The following SPOCK2 variants were observed in gnomAD, a reference collection of about 807,000 sequenced individuals.
SPOCK2 encodes SPARC (osteonectin), cwcv and kazal like domains proteoglycan 2, also known as testican-2.
In SPOCK2, 39 loss-of-function variants were observed where a neutral mutation model predicts 60.1. That is an observed-to-expected ratio of 0.65 (90% CI 0.50 to 0.85). The LOEUF (loss-of-function observed/expected upper bound fraction) is 0.85, where lower values mean the gene tolerates loss of function less well. SPOCK2 is among the 40% of genes least tolerant of loss of function. The probability of loss-of-function intolerance (pLI) is 0.00; values close to 1 mark genes in which losing one functional copy is unlikely to be tolerated. For synonymous variants in SPOCK2, 217 were observed against 231.5 expected, an observed-to-expected ratio of 0.94 and a Z score of 0.57; for missense variants, 523 against 567.4, an observed-to-expected ratio of 0.92 and a Z score of 0.80.
chr10:72,069,468 C>CT lies in SPOCK2; in HGVS notation c.474+843dup, dbSNP rs869082110. On this transcript the variant is annotated intron_variant, in intron 5 of 10. Transcript: ENST00000373109. ...TATCAGCACCTGCATTTCTATGTTA[C>CT]TTTTTTTTTTTTTTTTTTGGAGACA... Among the ~76,000 whole-genome samples, 1,092 of 138,586 alleles carry CT rather than the reference C, an allele frequency of 7.9e-3. 13 individuals carry two copies. Among genetic ancestry groups the CT allele is most frequent in the East Asian group, 0.048 (228 of 4,750 alleles). 90.9% of individuals were successfully genotyped at this position (138,586 alleles called of 152,430 possible). A position where few individuals can be genotyped will look rare whatever the true frequency, so the allele number is the denominator to read the frequency against.
chr10:72,079,395 T>G (rs1372024152), intron 1 of SPOCK2, among the ~76,000 whole-genome samples: 1 of 152,128 alleles, frequency 6.6e-6, no homozygotes, highest in Non-Finnish European at 1.5e-5. Context: ...GGAAGACACC[T>G]GGGGGCCCCC....
At position 72,059,313 on chromosome 10, in the gene SPOCK2, T is replaced by C. The variant is rs1404977599; in HGVS notation, c.*3447A>G. On this transcript the variant is annotated 3_prime_UTR_variant, in exon 11 of 11. Transcript: ENST00000373109. ...TTTTTTAAAAGACATCTAAAATTACTGAGAGATACAATTTCAGCAGTTAAA... is the reference window on the plus strand; with the variant it reads ...TTTTTTAAAAGACATCTAAAATTACCGAGAGATACAATTTCAGCAGTTAAA... 1 of 152,568 alleles carries C rather than the reference T, an allele frequency of 6.6e-6. No individual in the cohort carries two copies. 9.5% of individuals were successfully genotyped at this position (152,568 alleles called of 1,614,324 possible).
At chr10:72,074,443 T>C (rs1840688758) in intron 1 of SPOCK2, among the ~76,000 whole-genome samples, 1 of 152,172 alleles carries the variant, frequency 6.6e-6, no homozygotes, top group Non-Finnish European at 1.5e-5. Context: ...CAGGTCTGTA[T>C]TATGTAGCAT....
At chr10:72,072,589 G>C (rs754322322) in intron 2 of SPOCK2, 41 bp from the exon 3 acceptor site, 4 of 1,613,032 alleles carry the variant, frequency 2.5e-6, no homozygotes, top group Non-Finnish European at 3.4e-6. Flanking sequence ...GAAAGGCTAA[G>C]ATCCATATCC....
Position 72,062,950 on chromosome 10 carries a change from C to T in SPOCK2, c.1130-45G>A, listed in dbSNP as rs555953410. The T allele has an allele frequency of 2.2e-5, 35 of 1,588,234 alleles. No individual in the cohort carries two copies. Among genetic ancestry groups the T allele is most frequent in the Admixed American group, 1.4e-4 (8 of 57,254 alleles). ...ACAGGGGGTGAGGGAGCTTCTGGCA[C>T]GCACCCCCCAGCATCCCACGACAAG... On this transcript the variant is annotated intron_variant, in intron 10 of 10. Transcript: ENST00000373109. The surrounding 1 kb of genome is among the most constrained non-coding windows in gnomAD (Gnocchi z 4.3).
intron 1 of SPOCK2, among the ~76,000 whole-genome samples, chr10:72,077,909 C>T (rs747806928): frequency 6.6e-5 from 10 of 152,198 alleles, no homozygotes; most frequent in East Asian, 1.9e-4. Context: ...AAAACTGCAG[C>T]GCCTCCTGAG....
rs185621916 is a variant in SPOCK2, at chr10:72,067,837, C to A, written c.590-105G>T. 697 of 1,497,356 alleles carry A rather than the reference C, an allele frequency of 4.7e-4. 4 individuals are homozygous for A. The Middle Eastern group carries it at 7.4e-3, about 16-fold the overall frequency. 92.8% of individuals were successfully genotyped at this position (1,497,356 alleles called of 1,614,324 possible). On this transcript the variant is annotated intron_variant, in intron 6 of 10. Transcript: ENST00000373109. ...CAGGCCAGGAGGCTGGGCAGGGGTC[C>A]GGGAGGCAGCAGCAGAAGGGAAGGT...
chr10:72,081,602 A>G (rs531477887), intron 1 of SPOCK2, among the ~76,000 whole-genome samples: 1 of 152,368 alleles, frequency 6.6e-6, no homozygotes, highest in African/African-American at 2.4e-5. Flanking sequence ...CACCCTCTCC[A>G]CAGGATAAAG....
intron 8 of SPOCK2, among the ~76,000 whole-genome samples, chr10:72,064,844 C>A (rs934019217): frequency 1.3e-5 from 2 of 151,654 alleles, no homozygotes; most frequent in African/African-American, 4.9e-5. Flanking sequence ...CATTCTCCTG[C>A]CTCAGCCTCC....
chr10:72,077,455 C>T (rs1840727951), intron 1 of SPOCK2, among the ~76,000 whole-genome samples: 1 of 152,144 alleles, frequency 6.6e-6, no homozygotes, highest in African/African-American at 2.4e-5. Context: ...AACCTTCCAG[C>T]ACGCACATGC....
chr10:72,066,341 CCTT>C (rs1840567024), intron 8 of SPOCK2, among the ~76,000 whole-genome samples: 1 of 150,838 alleles, frequency 6.6e-6, no homozygotes, highest in Non-Finnish European at 1.5e-5. Context: ...TTCTTTCTTT[CCTT>C]CTTTTTTTTT....
rs1462462787 is a variant in SPOCK2, at chr10:72,086,977, G to T, written c.189+1163C>A. ...GGTGTGGCCTGCGTTGTACTGGGTG[G>T]GTCGGACGAGGGAACCTGGGGAAGG... On this transcript the variant is annotated intron_variant, in intron 1 of 10. Transcript: ENST00000373109. 3.2e-6 allele frequency: 5 copies of T among 1,551,606 alleles called. No homozygotes were observed. In the South Asian group the frequency reaches 3.6e-5, roughly 11 times the overall value.
rs998740637 is a variant in SPOCK2 at position 72,060,893 on chromosome 10, G to C, written c.*1867C>G. On this transcript the variant is annotated 3_prime_UTR_variant, in exon 11 of 11. Transcript: ENST00000373109. Reference sequence around the variant, plus strand: ...TGAGGCTCTTCTGTAAAGTCCAACAGACGCTCACAGATGCTGGGAGGCTGG... The same window carrying C: ...TGAGGCTCTTCTGTAAAGTCCAACACACGCTCACAGATGCTGGGAGGCTGG... 6.6e-6 allele frequency: 1 copy of C among 152,216 alleles called. No homozygotes were observed. The highest frequency in any genetic ancestry group is 2.4e-5 in the African/African-American group (1 of 41,426). The allele number at this position is 152,216 out of a possible 1,614,324, so 9.4% of individuals were successfully genotyped here.
chr10:72,082,829 G>A (rs1840804086), intron 1 of SPOCK2, among the ~76,000 whole-genome samples: 1 of 148,212 alleles, frequency 6.7e-6, no homozygotes, highest in Non-Finnish European at 1.5e-5. Context: ...ACTCCAACCT[G>A]GGTGACAGAG....
intron 1 of SPOCK2, among the ~76,000 whole-genome samples, chr10:72,079,815 C>G (rs759982853): frequency 2.6e-5 from 4 of 152,050 alleles, no homozygotes; most frequent in Non-Finnish European, 5.9e-5. Context: ...AGACCTCACC[C>G]CCTACACCCC....
rs767042947 is a variant in SPOCK2, at chr10:72,088,201, T to C, written c.128A>G (p.Gln43Arg). The C allele has an allele frequency of 3.7e-6, 6 of 1,612,990 alleles. No individual in the cohort carries two copies. Among genetic ancestry groups the C allele is most frequent in the Admixed American group, 1.7e-5 (1 of 59,988 alleles). ...ETPGNFMEDE[Q>R]WLSSISQYSG... ...GTACTGCGAGATGGACGACAGCCAT[T>C]GCTCGTCCTCCATGAAATTGCCGGG... The change falls in exon 1 of 11, where the codon CAA becomes CGA. Residue 43 changes from glutamine to arginine, a missense_variant. Coordinates refer to ENST00000373109, the MANE Select transcript of SPOCK2 (RefSeq NM_001244950.2).
chr10:72,076,340 C>T (rs1840714834), intron 1 of SPOCK2, among the ~76,000 whole-genome samples: 1 of 152,158 alleles, frequency 6.6e-6, no homozygotes, highest in Non-Finnish European at 1.5e-5. Context: ...CCTTTCAGTG[C>T]AGTGTTGGGT....
chr10:72,062,721 G>A lies in SPOCK2; in HGVS notation c.*39C>T. Reference sequence around the variant, plus strand: ...GTTGCCTGCTGCTGCTCAGAGCTCTGCTGTTGAGTCCCCCCCGGCAGCCGG... The same window carrying A: ...GTTGCCTGCTGCTGCTCAGAGCTCTACTGTTGAGTCCCCCCCGGCAGCCGG... On this transcript the variant is annotated 3_prime_UTR_variant, in exon 11 of 11. Transcript: ENST00000373109. This position sits in a 1 kb window ranked among gnomAD's most constrained non-coding sequence, Gnocchi z 4.3. The A allele has an allele frequency of 1.3e-6, 2 of 1,580,332 alleles. No individual in the cohort carries two copies. The highest frequency in any genetic ancestry group is 2.2e-5 in the South Asian group (2 of 89,674).
At chr10:72,067,588 C>G in intron 7 of SPOCK2, 25 bp downstream of exon 7, 1 of 1,610,778 alleles carries the variant, frequency 6.2e-7, no homozygotes, top group Non-Finnish European at 8.5e-7. Flanking sequence ...CCTCCCTCCT[C>G]CAGGCAGAGC....
Sources: allele counts gnomAD v4.1 joint callset (sites outside exome capture counted in the v4.1 genomes callset), GRCh38; gene constraint gnomAD v4.1.1; non-coding constraint Gnocchi (gnomAD v3.1); transcripts MANE v1.5; gene names NCBI Gene and HGNC (gene_info 2026-07-23, HGNC 2026-07-21).